Variants in FAR1 observed in about 807,000 individuals in gnomAD.
The protein encoded by FAR1 is male sterility domain-containing protein 2.
Under a neutral mutation model 61.1 loss-of-function variants are expected in FAR1, and 22 were observed. That is an observed-to-expected ratio of 0.36 (90% CI 0.26 to 0.51). The LOEUF (loss-of-function observed/expected upper bound fraction) is 0.51, where lower values mean the gene tolerates loss of function less well. FAR1 is among the 20% of genes least tolerant of loss of function. The probability of loss-of-function intolerance (pLI) is 0.95; values close to 1 mark genes in which losing one functional copy is unlikely to be tolerated. For synonymous variants in FAR1, 206 were observed against 209.7 expected (o/e 0.98, Z 0.15); for missense variants, 359 against 626.9 (o/e 0.57, Z 4.56).
intron 1 of FAR1, among the ~76,000 whole-genome samples, chr11:13,675,876 A>G (rs1848062742): frequency 1.3e-5 from 2 of 152,222 alleles, no homozygotes; most frequent in South Asian, 2.1e-4. Context: ...AATTGTTACC[A>G]TTATAGCTTA....
intron 3 of FAR1, among the ~76,000 whole-genome samples, chr11:13,702,067 C>A (rs901132930): frequency 1.3e-5 from 2 of 152,090 alleles, no homozygotes; most frequent in Admixed American, 6.5e-5. Context: ...GGCAGGAAAT[C>A]TGAATCTGTA....
At chr11:13,716,574 A>G (rs912949855) in intron 9 of FAR1, among the ~76,000 whole-genome samples, 2 of 152,166 alleles carry the variant, frequency 1.3e-5, no homozygotes, top group African/African-American at 4.8e-5. Context: ...TGCAAGGATT[A>G]ATGATAGCCT....
At chr11:13,705,534 A>C (rs1848423361) in intron 3 of FAR1, among the ~76,000 whole-genome samples, 1 of 152,184 alleles carries the variant, frequency 6.6e-6, no homozygotes, top group South Asian at 2.1e-4. Flanking sequence ...TTCCCAAAAC[A>C]TGGCTCTTCC....
intron 10 of FAR1, among the ~76,000 whole-genome samples, chr11:13,726,945 T>G (rs969505968): frequency 6.6e-6 from 1 of 152,044 alleles, no homozygotes; most frequent in African/African-American, 2.4e-5. Context: ...AAAAATTATC[T>G]TATTATATGC....
At chr11:13,688,580 G>T (rs1848214900) in intron 1 of FAR1, among the ~76,000 whole-genome samples, 1 of 152,076 alleles carries the variant, frequency 6.6e-6, no homozygotes, top group African/African-American at 2.4e-5. Flanking sequence ...ACATGCATAT[G>T]TACACCTATG....
Position 13,730,765 on chromosome 11 carries a change from C to G in FAR1, c.*1991C>G, listed in dbSNP as rs2134205723. 1 of 152,136 alleles carries G rather than the reference C, an allele frequency of 6.6e-6. No homozygotes were observed. The highest frequency in any genetic ancestry group is 1.5e-5 in the Non-Finnish European group (1 of 67,946). The allele number at this position is 152,136 out of a possible 1,614,324, so 9.4% of individuals were successfully genotyped here. A position where few individuals can be genotyped will look rare whatever the true frequency, so the allele number is the denominator to read the frequency against. On this transcript the variant is annotated 3_prime_UTR_variant, in exon 12 of 12. Transcript: ENST00000354817. ...TGGTTTTATTGTTCTTGTAATCTAG[C>G]TTAAAGAAATGTTAACTGGGAGGGT...
chr11:13,726,723 CTTCCT>C (rs1036887472), intron 10 of FAR1, among the ~76,000 whole-genome samples: 2 of 149,690 alleles, frequency 1.3e-5, no homozygotes, highest in Admixed American at 6.7e-5. Context: ...TACTGCTTCT[CTTCCT>C]TTTTTTTTTT....
chr11:13,682,228 G>A (rs1213317154), intron 1 of FAR1, among the ~76,000 whole-genome samples: 1 of 152,182 alleles, frequency 6.6e-6, no homozygotes, highest in Non-Finnish European at 1.5e-5. Flanking sequence ...TTTACAGTGT[G>A]TCAGTAACAA....
intron 1 of FAR1, among the ~76,000 whole-genome samples, chr11:13,669,823 TG>T (rs901976036): frequency 1.8e-4 from 28 of 152,098 alleles, no homozygotes; most frequent in African/African-American, 6.5e-4. Flanking sequence ...TCCGAAGTAA[TG>T]GCATACATAT....
chr11:13,710,670 T>G (rs1431817146), intron 4 of FAR1, 23 bp from the exon 5 acceptor site: 2 of 1,547,448 alleles, frequency 1.3e-6, no homozygotes, highest in Non-Finnish European at 8.7e-7. Context: ...TGGAAATATA[T>G]TTGTATGCAA....
intron 1 of FAR1, among the ~76,000 whole-genome samples, chr11:13,693,153 C>T (rs1848270979): frequency 6.6e-6 from 1 of 151,922 alleles, no homozygotes; most frequent in Admixed American, 6.6e-5. Context: ...TATCTTGGGC[C>T]ACACATAAAA....
At chr11:13,701,058 T>C (rs912725366) in intron 3 of FAR1, among the ~76,000 whole-genome samples, 1 of 152,114 alleles carries the variant, frequency 6.6e-6, no homozygotes, top group African/African-American at 2.4e-5. Flanking sequence ...ATGTCCACTA[T>C]TCTTAAAAAA....
At chr11:13,680,617 A>G (rs1370434987) in intron 1 of FAR1, among the ~76,000 whole-genome samples, 1 of 152,056 alleles carries the variant, frequency 6.6e-6, no homozygotes, top group Non-Finnish European at 1.5e-5. Flanking sequence ...GTGAGAGAGG[A>G]AGCAAGAGAG....
At chr11:13,704,162 T>C (rs1214679192) in intron 3 of FAR1, among the ~76,000 whole-genome samples, 1 of 151,452 alleles carries the variant, frequency 6.6e-6, no homozygotes, top group Non-Finnish European at 1.5e-5. Context: ...GGGAAGGTAC[T>C]AGTAAAGGAA....
At chr11:13,678,529 G>C (rs1848091805) in intron 1 of FAR1, among the ~76,000 whole-genome samples, 1 of 152,186 alleles carries the variant, frequency 6.6e-6, no homozygotes, top group South Asian at 2.1e-4. Context: ...CTCCCAAAGT[G>C]CTGGGGTTAC....
At chr11:13,708,224 C>T (rs527414836) in intron 4 of FAR1, 145 bp downstream of exon 4, 453 of 483,878 alleles carry the variant, frequency 9.4e-4, no homozygotes, top group Non-Finnish European at 1.3e-3. Flanking sequence ...ATTAGCCAGG[C>T]ATGGTGGCAG....
At chr11:13,671,080 G>T (rs1370959066) in intron 1 of FAR1, among the ~76,000 whole-genome samples, 1 of 152,212 alleles carries the variant, frequency 6.6e-6, no homozygotes, top group Non-Finnish European at 1.5e-5. Context: ...ATTTCTTAGT[G>T]ATGCTGTTTA....
intron 2 of FAR1, among the ~76,000 whole-genome samples, chr11:13,696,189 A>G (rs999577906): frequency 6.6e-6 from 1 of 151,922 alleles, no homozygotes; most frequent in African/African-American, 2.4e-5. Context: ...GTATGTTTTA[A>G]TTTTTCTCCT....
At position 13,729,433 on chromosome 11, in the gene FAR1, G is replaced by A. The variant is rs192025381; in HGVS notation, c.*659G>A. 8 of 151,846 alleles carry A rather than the reference G, an allele frequency of 5.3e-5. No individual in the cohort carries two copies. Among genetic ancestry groups the A allele is most frequent in the East Asian group, 3.9e-4 (2 of 5,180 alleles). 9.4% of individuals were successfully genotyped at this position (151,846 alleles called of 1,614,324 possible). On this transcript the variant is annotated 3_prime_UTR_variant, in exon 12 of 12. Transcript: ENST00000354817. ...CTATATTATTCTAATGACCCTATTC[G>A]ATCTAAATGGGTTTGAGAATCCATA...
Sources: allele counts gnomAD v4.1 joint callset (sites outside exome capture counted in the v4.1 genomes callset), GRCh38; gene constraint gnomAD v4.1.1; transcripts MANE v1.5; gene names NCBI Gene and HGNC (gene_info 2026-07-23, HGNC 2026-07-21).